The following MCTP1 variants were observed in gnomAD, a reference collection of about 807,000 sequenced individuals.
The protein encoded by MCTP1 is multiple C2 and transmembrane domain containing 1.
Under a neutral mutation model 120.6 loss-of-function variants are expected in MCTP1, and 69 were observed. The observed-to-expected ratio is 0.57, with a 90% CI of 0.47 to 0.70. The LOEUF (loss-of-function observed/expected upper bound fraction) is 0.70, where lower values mean the gene tolerates loss of function less well. Ranked by LOEUF, MCTP1 falls within the 30% of genes least tolerant of loss-of-function variation. The pLI is 0.00. For missense variants in MCTP1, 1,203 were observed against 1,248.8 expected, an observed-to-expected ratio of 0.96 and a Z score of 0.55; for synonymous variants, 529 against 493.1, an observed-to-expected ratio of 1.07 and a Z score of -0.96.
intron 1 of MCTP1, among the ~76,000 whole-genome samples, chr5:95,160,557 T>G (rs1271310350): frequency 6.6e-6 from 1 of 152,134 alleles, no homozygotes; most frequent in East Asian, 1.9e-4. Flanking sequence ...CAAATATTTC[T>G]TAGATATAAC....
At chr5:94,919,395 T>C (rs908921231) in intron 7 of MCTP1, among the ~76,000 whole-genome samples, 2 of 151,904 alleles carry the variant, frequency 1.3e-5, no homozygotes, top group African/African-American at 2.4e-5. Context: ...AAAAAATCGA[T>C]TTAGACTTAA....
At chr5:95,233,599 G>A (rs1376598113) in intron 1 of MCTP1, among the ~76,000 whole-genome samples, 2 of 152,172 alleles carry the variant, frequency 1.3e-5, no homozygotes, top group Non-Finnish European at 2.9e-5. Flanking sequence ...AAAGTGCTGG[G>A]ATTACAGGCG....
intron 2 of MCTP1, among the ~76,000 whole-genome samples, chr5:94,960,717 A>G (rs919851822): frequency 6.6e-6 from 1 of 152,244 alleles, no homozygotes; most frequent in Admixed American, 6.5e-5. Context: ...TAAAACCCCA[A>G]TGACACACCA....
In MCTP1 at chr5:95,110,020, T is replaced by A. The variant is rs1757344018; in HGVS notation, c.721-92536A>T. ...GACTGGTGAGTGTTTATTACCAATA[T>A]CCCATAGTTATCTCAAGAAATTTAT... On this transcript the variant is annotated intron_variant, in intron 1 of 22. Transcript: ENST00000515393. Among the ~76,000 whole-genome samples the A allele has an allele frequency of 3.3e-5, 5 of 152,130 alleles. No homozygotes were observed. In the South Asian group the frequency reaches 1.0e-3, roughly 32 times the overall value.
chr5:95,056,898 C>T (rs932376774), intron 1 of MCTP1, among the ~76,000 whole-genome samples: 6 of 151,870 alleles, frequency 4.0e-5, no homozygotes, highest in Non-Finnish European at 7.4e-5. Context: ...CAAATACATA[C>T]GTATTTCTAA....
At chr5:94,899,137 G>A (rs1263913886) in intron 10 of MCTP1, among the ~76,000 whole-genome samples, 2 of 152,196 alleles carry the variant, frequency 1.3e-5, no homozygotes, top group African/African-American at 4.8e-5. Context: ...ATGGGTGGCA[G>A]TGTGAGAAAA....
chr5:95,159,885 G>A (rs982248371), intron 1 of MCTP1, among the ~76,000 whole-genome samples: 8 of 152,044 alleles, frequency 5.3e-5, no homozygotes, highest in Non-Finnish European at 8.8e-5. Flanking sequence ...TAGCAGATAA[G>A]AAATTTACCA....
chr5:94,934,740 T>TC (rs201913722), intron 5 of MCTP1, among the ~76,000 whole-genome samples: 8 of 150,572 alleles, frequency 5.3e-5, no homozygotes, highest in African/African-American at 1.9e-4. Flanking sequence ...TAAAGAAGTT[T>TC]TTTTTTTTTT....
At chr5:94,759,298 TATG>T (rs1770722846) in intron 19 of MCTP1, among the ~76,000 whole-genome samples, 1 of 152,182 alleles carries the variant, frequency 6.6e-6, no homozygotes, top group African/African-American at 2.4e-5. Flanking sequence ...ATTCTGATAT[TATG>T]ATATCTTTCA....
chr5:94,942,810 A>G (rs1354490663), intron 3 of MCTP1, among the ~76,000 whole-genome samples: 1 of 152,194 alleles, frequency 6.6e-6, no homozygotes, highest in East Asian at 1.9e-4. Flanking sequence ...GCCATTAAAG[A>G]TACATTTTGT....
At chr5:95,069,057 A>G (rs1751442918) in intron 1 of MCTP1, among the ~76,000 whole-genome samples, 1 of 150,260 alleles carries the variant, frequency 6.7e-6, no homozygotes, top group African/African-American at 2.5e-5. Flanking sequence ...CTTAATTTTT[A>G]TAGCTAATTA....
intron 1 of MCTP1, among the ~76,000 whole-genome samples, chr5:95,073,435 C>T (rs921881211): frequency 3.3e-5 from 5 of 152,142 alleles, no homozygotes; most frequent in Non-Finnish European, 7.4e-5. Flanking sequence ...CTGTCCCCCA[C>T]CATCTCCTCA....
intron 19 of MCTP1, among the ~76,000 whole-genome samples, chr5:94,745,229 C>A (rs1029863164): frequency 7.2e-5 from 11 of 152,188 alleles, no homozygotes; most frequent in African/African-American, 2.7e-4. Flanking sequence ...CACAAGTGAA[C>A]AAACCTTTTC....
intron 17 of MCTP1, among the ~76,000 whole-genome samples, chr5:94,852,353 G>A (rs1561749022): frequency 6.6e-6 from 1 of 151,844 alleles, no homozygotes; most frequent in Non-Finnish European, 1.5e-5. Flanking sequence ...TTAGGCAACA[G>A]AGATTTTAAA....
intron 1 of MCTP1, among the ~76,000 whole-genome samples, chr5:95,169,024 G>A (rs1746839875): frequency 6.6e-6 from 1 of 152,090 alleles, no homozygotes; most frequent in Non-Finnish European, 1.5e-5. Flanking sequence ...GTATGATATT[G>A]GCTGTGGGTT....
intron 2 of MCTP1, among the ~76,000 whole-genome samples, chr5:94,993,200 A>T (rs1332030057): frequency 6.6e-6 from 1 of 152,202 alleles, no homozygotes; most frequent in African/African-American, 2.4e-5. Context: ...GTACATTTTG[A>T]CATAAAACTA....
chr5:94,771,243 C>CAA (rs35491452), intron 19 of MCTP1, among the ~76,000 whole-genome samples: 1 of 149,490 alleles, frequency 6.7e-6, no homozygotes, highest in Admixed American at 6.7e-5. Flanking sequence ...ATTTCCATGG[C>CAA]AAAAAAAAAG....
intron 21 of MCTP1, chr5:94,708,882 CCT>C (rs1755696269): frequency 3.7e-6 from 1 of 272,768 alleles, no homozygotes; most frequent in Non-Finnish European, 7.1e-6. Context: ...TTTTTTTCCC[CCT>C]GTGTTACAGT....
intron 10 of MCTP1, among the ~76,000 whole-genome samples, chr5:94,901,522 G>A (rs1271532712): frequency 6.6e-6 from 1 of 152,010 alleles, no homozygotes; most frequent in Non-Finnish European, 1.5e-5. Context: ...ACCTCAGAGA[G>A]TGAGAAAAAT....
Sources: gnomAD v4.1 joint callset for allele counts (sites outside exome capture counted in the v4.1 genomes callset) on GRCh38, gnomAD v4.1.1 for gene constraint, MANE v1.5 for transcripts, NCBI Gene and HGNC (gene_info 2026-07-23, HGNC 2026-07-21) for gene names.